Variants in NEBL observed in about 807,000 individuals in gnomAD.
The protein encoded by NEBL is LIM and SH3 protein 2.
Under a neutral mutation model 140.2 loss-of-function variants are expected in NEBL, and 122 were observed. That is an observed-to-expected ratio of 0.87 (90% CI 0.75 to 1.01). NEBL has a LOEUF of 1.01. Ranked by LOEUF, NEBL falls within the 50% of genes least tolerant of loss-of-function variation. NEBL has a pLI of 0.00. For missense variants in NEBL, 1,365 were observed against 1,231.3 expected (o/e 1.11, Z -1.62); for synonymous variants, 436 against 398.9 (o/e 1.09, Z -1.11).
chr10:21,152,104 G>A (rs982411974), intron 2 of NEBL, among the ~76,000 whole-genome samples: 4 of 152,080 alleles, frequency 2.6e-5, no homozygotes, highest in African/African-American at 9.7e-5. Context: ...GTGCATTTCC[G>A]CTATCCGGAA....
intron 3 of NEBL, among the ~76,000 whole-genome samples, chr10:21,181,570 AT>A (rs1841388407): frequency 6.6e-6 from 1 of 152,192 alleles, no homozygotes; most frequent in Admixed American, 6.5e-5. Context: ...CTGTAATAGG[AT>A]CAATTCAAGG....
At chr10:20,791,787 T>C (rs1222512951) in intron 26 of NEBL, among the ~76,000 whole-genome samples, 1 of 152,158 alleles carries the variant, frequency 6.6e-6, no homozygotes, top group East Asian at 1.9e-4. Context: ...GGAAGAAATG[T>C]ACCCACAAGA....
rs56366013 is a variant in NEBL at position 21,113,290 on chromosome 10, T to TAAAAAAAAAA, written c.164+59083_164+59092dup. 496 of 123,614 alleles carry TAAAAAAAAAA rather than the reference T, an allele frequency of 4.0e-3. 5 individuals are homozygous for TAAAAAAAAAA. The highest frequency in any genetic ancestry group is 6.7e-3 in the East Asian group (17 of 2,526). The allele number at this position is 123,614 out of a possible 1,614,324, so 7.7% of individuals were successfully genotyped here. The stretch of plus-strand genomic sequence containing the variant: ...ACCAAGATCAAAAGGATGAGAATCC[T>TAAAAAAAAAA]AAAAAAAAAAAAAAAACCAGGAAAA... On this transcript the variant is annotated intron_variant, in intron 2 of 6. Coordinates refer to the NEBL transcript ENST00000417816.
intron 3 of NEBL, among the ~76,000 whole-genome samples, chr10:20,983,319 T>C (rs1191477499): frequency 6.6e-6 from 1 of 152,168 alleles, no homozygotes; most frequent in Non-Finnish European, 1.5e-5. Context: ...CAAATACACA[T>C]AAAATCAGTG....
At chr10:20,832,951 A>G (rs1840554366) in intron 14 of NEBL, among the ~76,000 whole-genome samples, 1 of 152,256 alleles carries the variant, frequency 6.6e-6, no homozygotes, top group South Asian at 2.1e-4. Flanking sequence ...GCCTGTTCAA[A>G]GCCCCAAAAT....
intron 2 of NEBL, among the ~76,000 whole-genome samples, chr10:21,036,004 A>T (rs1053935923): frequency 6.6e-6 from 1 of 152,006 alleles, no homozygotes; most frequent in Non-Finnish European, 1.5e-5. Context: ...TTCCACCAAA[A>T]ATACAAAAAT....
chr10:21,104,080 G>A (rs560738271), intron 2 of NEBL, among the ~76,000 whole-genome samples: 97 of 152,226 alleles, frequency 6.4e-4, no homozygotes, highest in African/African-American at 2.2e-3. Flanking sequence ...AATTAACTTG[G>A]TGTCTTTGTG....
chr10:21,146,218 T>C (rs1839885077), intron 2 of NEBL: 1 of 729,112 alleles, frequency 1.4e-6, no homozygotes, highest in South Asian at 2.1e-5. Flanking sequence ...GTTTATTTCA[T>C]GCAGAGGGTA....
At chr10:21,012,664 TG>T (rs1838388660) in intron 3 of NEBL, among the ~76,000 whole-genome samples, 1 of 152,194 alleles carries the variant, frequency 6.6e-6, no homozygotes, top group Non-Finnish European at 1.5e-5. Context: ...TAAGCTACTG[TG>T]CCCAGCCTGA....
chr10:21,227,686 CTTCTTCTTCTTCTTCTTCTTCTTCT>C lies in NEBL; in HGVS notation n.348+20210_348+20234del, dbSNP rs1564545943. ...TCTTCTTCTTCTTCTTCTTCTTCTT[CTTCTTCTTCTTCTTCTTCTTCTTCT>C]TTCTTCTTCTTCTTCTTCTTCTTCT... On this transcript the variant is annotated intron_variant and non_coding_transcript_variant, in intron 3 of 8. Coordinates refer to the NEBL transcript ENST00000675702. Among the ~76,000 whole-genome samples the C allele has an allele frequency of 1.3e-3, 113 of 87,714 alleles. 1 individual carries two copies. Among genetic ancestry groups the C allele is most frequent in the Admixed American group, 2.3e-3 (19 of 8,378 alleles). The allele number at this position is 87,714 out of a possible 152,430, so 57.5% of individuals were successfully genotyped here. A position where few individuals can be genotyped will look rare whatever the true frequency, so the allele number is the denominator to read the frequency against.
intron 4 of NEBL, among the ~76,000 whole-genome samples, chr10:20,927,114 G>A (rs1310573998): frequency 1.3e-5 from 2 of 152,154 alleles, no homozygotes; most frequent in South Asian, 4.1e-4. Context: ...CTCAGGAGCG[G>A]AGGATAACTA....
At chr10:20,850,577 G>A in intron 10 of NEBL, 75 bp from the exon 11 acceptor site, 3 of 930,108 alleles carry the variant, frequency 3.2e-6, no homozygotes, top group Non-Finnish European at 5.2e-6. Flanking sequence ...AAAAATATAT[G>A]TTCTAAACTA....
chr10:20,878,283 G>C (rs1407999570), intron 5 of NEBL, among the ~76,000 whole-genome samples: 1 of 152,166 alleles, frequency 6.6e-6, no homozygotes, highest in Non-Finnish European at 1.5e-5. Context: ...CTTGATTTTG[G>C]TGGAAACATA....
chr10:21,024,153 G>T (rs1299519561), intron 2 of NEBL, among the ~76,000 whole-genome samples: 1 of 151,222 alleles, frequency 6.6e-6, no homozygotes, highest in Non-Finnish European at 1.5e-5. Context: ...AAACTTACTA[G>T]CATACTATGC....
intron 2 of NEBL, among the ~76,000 whole-genome samples, chr10:21,090,533 C>T (rs185782247): frequency 1.3e-5 from 2 of 152,216 alleles, no homozygotes; most frequent in Admixed American, 1.3e-4. Context: ...GAACCTACCC[C>T]CACAGATATT....
At chr10:20,967,644 G>C (rs924070446) in intron 3 of NEBL, among the ~76,000 whole-genome samples, 13 of 151,558 alleles carry the variant, frequency 8.6e-5, no homozygotes, top group Admixed American at 5.9e-4. Context: ...AAAAAAACAA[G>C]TGCATACTGG....
chr10:21,116,309 T>A (rs1488678263), intron 2 of NEBL, among the ~76,000 whole-genome samples: 1 of 152,142 alleles, frequency 6.6e-6, no homozygotes, highest in Non-Finnish European at 1.5e-5. Context: ...GCCCTCTTTT[T>A]GGTTTGCACA....
intron 2 of NEBL, among the ~76,000 whole-genome samples, chr10:21,140,324 A>C (rs1839572480): frequency 6.6e-6 from 1 of 152,208 alleles, no homozygotes; most frequent in Non-Finnish European, 1.5e-5. Context: ...AGAATGAGGA[A>C]TCTACCGTAT....
At chr10:20,870,237 A>G (rs1844781776) in intron 5 of NEBL, among the ~76,000 whole-genome samples, 1 of 151,430 alleles carries the variant, frequency 6.6e-6, no homozygotes, top group Non-Finnish European at 1.5e-5. Context: ...GAGGAAGGAA[A>G]ATCGCTCAAA....
Sources: gnomAD v4.1 joint callset for allele counts (sites outside exome capture counted in the v4.1 genomes callset) on GRCh38, gnomAD v4.1.1 for gene constraint, MANE v1.5 for transcripts, NCBI Gene and HGNC (gene_info 2026-07-23, HGNC 2026-07-21) for gene names.